The following IL1RAPL2 variants were observed in gnomAD, a reference collection of about 807,000 sequenced individuals.
IL1RAPL2 encodes the protein X-linked interleukin-1 receptor accessory protein-like 2.
IL1RAPL2 carries 3 observed loss-of-function variants against 44.1 expected under a neutral mutation model. The observed-to-expected ratio is 0.07, with a 90% CI of 0.03 to 0.18. The LOEUF (loss-of-function observed/expected upper bound fraction) is 0.18. Among genes scored for constraint, IL1RAPL2 ranks in the 10% least tolerant of loss-of-function variants. IL1RAPL2 has a pLI of 1.00. For missense variants in IL1RAPL2, 391 were observed against 496.4 expected (o/e 0.79, Z 2.02); for synonymous variants, 181 against 178.8 (o/e 1.01, Z -0.10).
At chrX:105,076,952 G>T (rs1265934886) in intron 2 of IL1RAPL2, among the ~76,000 whole-genome samples, 1 of 110,959 alleles carries the variant, frequency 9.0e-6, no homozygotes, top group African/African-American at 3.3e-5. Flanking sequence ...CGTGTGAGAT[G>T]GGGTTCCTGA....
intron 6 of IL1RAPL2, among the ~76,000 whole-genome samples, chrX:105,611,440 C>T (rs1021208268): frequency 5.4e-5 from 6 of 111,575 alleles, no homozygotes; most frequent in Admixed American, 1.9e-4. Context: ...TATTTAAGCT[C>T]TATTCATGGT....
intron 2 of IL1RAPL2, among the ~76,000 whole-genome samples, chrX:104,826,961 T>G (rs939043468): frequency 1.0e-5 from 1 of 95,312 alleles, no homozygotes; most frequent in Non-Finnish European, 2.1e-5. Flanking sequence ...TTTTTTTTTT[T>G]GCTTTCCATT....
intron 6 of IL1RAPL2, among the ~76,000 whole-genome samples, chrX:105,564,889 T>G (rs2036963951): frequency 8.9e-6 from 1 of 112,057 alleles, no homozygotes. Flanking sequence ...AAGGCTTTGA[T>G]TTTTTCTGAA....
At position 105,463,591 on chromosome X, in the gene IL1RAPL2, C is replaced by T. The variant is rs750199593; in HGVS notation, c.698-20722C>T. On this transcript the variant is annotated intron_variant, in intron 5 of 10. Coordinates refer to ENST00000372582, the MANE Select transcript of IL1RAPL2 (RefSeq NM_017416.2). ...TCTCCCACACACACACACACACACA[C>T]ACACACACACATGCACGCATACACT... 1.0e-4 allele frequency among the ~76,000 whole-genome samples: 11 copies of T among 110,541 alleles called. No individual in the cohort carries two copies. In the South Asian group the frequency reaches 4.2e-3, roughly 42 times the overall value.
intron 10 of IL1RAPL2, among the ~76,000 whole-genome samples, chrX:105,762,390 C>T: frequency 9.0e-6 from 1 of 111,592 alleles, no homozygotes; most frequent in East Asian, 2.8e-4. Context: ...CAAGGAGAGT[C>T]TAGTGGCAAG....
rs782388975 is a variant in IL1RAPL2 at position 105,201,939 on chromosome X, ATTAG to A, written c.356+6195_356+6198del. ...AATTTCATTCCCGAAATGAAATGTA[ATTAG>A]TTATTTTTCTATCTGTTTTTGGTTA... is the stretch of plus-strand genomic sequence containing the variant. On this transcript the variant is annotated intron_variant, in intron 3 of 10. Coordinates refer to ENST00000372582, the MANE Select transcript of IL1RAPL2 (RefSeq NM_017416.2). 2.2e-4 allele frequency among the ~76,000 whole-genome samples: 25 copies of A among 111,888 alleles called. No individual in the cohort carries two copies. In the South Asian group the frequency reaches 8.2e-3, roughly 37 times the overall value.
chrX:105,105,336 C>T (rs764046083), intron 2 of IL1RAPL2, among the ~76,000 whole-genome samples: 3 of 111,609 alleles, frequency 2.7e-5, no homozygotes, highest in South Asian at 7.5e-4. Flanking sequence ...ATTATTATCC[C>T]CTTTATATAC....
intron 1 of IL1RAPL2, among the ~76,000 whole-genome samples, chrX:104,615,814 C>T (rs1440527088): frequency 8.9e-6 from 1 of 112,274 alleles, no homozygotes; most frequent in Non-Finnish European, 1.9e-5. Context: ...CCATCTTCCA[C>T]AATGGTTGAA....
At chrX:104,610,529 T>C (rs1252926659) in intron 1 of IL1RAPL2, among the ~76,000 whole-genome samples, 2 of 112,008 alleles carry the variant, frequency 1.8e-5, no homozygotes, top group Non-Finnish European at 3.8e-5. Flanking sequence ...CTATTCACAA[T>C]TGCTTCAAAG....
intron 6 of IL1RAPL2, among the ~76,000 whole-genome samples, chrX:105,591,499 G>A (rs1162184152): frequency 9.0e-6 from 1 of 110,541 alleles, no homozygotes; most frequent in Admixed American, 9.7e-5. Context: ...TTTCCTGCTG[G>A]TGTGATACTG....
chrX:105,207,191 AAACAAAT>A (rs1556153109), intron 3 of IL1RAPL2, among the ~76,000 whole-genome samples: 14 of 111,180 alleles, frequency 1.3e-4, no homozygotes, highest in Non-Finnish European at 2.6e-4. Context: ...ATTATTCATT[AAACAAAT>A]ATTTATTGAG....
chrX:105,699,253 C>T lies in IL1RAPL2; in HGVS notation c.773-18114C>T, dbSNP rs1478393096. ...AGACACACAAAACCTGGATTAATCC[C>T]GGTGCATGCATTCTGTCACCCAACT... On this transcript the variant is annotated intron_variant, in intron 6 of 10. Transcript: ENST00000372582. Among the ~76,000 whole-genome samples the T allele has an allele frequency of 3.6e-5, 4 of 111,060 alleles. 1 individual carries two copies. Among genetic ancestry groups the T allele is most frequent in the Admixed American group, 1.9e-4 (2 of 10,407 alleles).
At chrX:104,715,848 T>A (rs1261296957) in intron 2 of IL1RAPL2, among the ~76,000 whole-genome samples, 1 of 110,852 alleles carries the variant, frequency 9.0e-6, no homozygotes, top group Non-Finnish European at 1.9e-5. Context: ...ATTGTTAAAA[T>A]GGCCATACTA....
At chrX:105,145,916 C>T (rs1321583675) in intron 2 of IL1RAPL2, among the ~76,000 whole-genome samples, 1 of 111,175 alleles carries the variant, frequency 9.0e-6, no homozygotes, top group East Asian at 2.9e-4. Flanking sequence ...AAGGTGGGGA[C>T]TTTGGGAAGT....
At chrX:105,132,367 T>G (rs1400156405) in intron 2 of IL1RAPL2, among the ~76,000 whole-genome samples, 5 of 110,825 alleles carry the variant, frequency 4.5e-5, no homozygotes, top group African/African-American at 1.6e-4. Context: ...GTTAAGCTGC[T>G]TCCTCTCAAA....
chrX:105,651,140 CATG>C (rs1326249701), intron 6 of IL1RAPL2, among the ~76,000 whole-genome samples: 1 of 111,354 alleles, frequency 9.0e-6, no homozygotes, highest in Non-Finnish European at 1.9e-5. Context: ...CCCACACAGA[CATG>C]ATAAACAGCA....
intron 5 of IL1RAPL2, among the ~76,000 whole-genome samples, chrX:105,303,636 C>T (rs2034712855): frequency 8.9e-6 from 1 of 112,301 alleles, no homozygotes; most frequent in African/African-American, 3.2e-5. Flanking sequence ...GCTAGTGATT[C>T]CTTCCAGCTT....
At chrX:105,123,052 A>G (rs896855878) in intron 2 of IL1RAPL2, among the ~76,000 whole-genome samples, 6 of 111,748 alleles carry the variant, frequency 5.4e-5, no homozygotes, top group African/African-American at 1.9e-4. Flanking sequence ...TCAATGAAAT[A>G]ATGTTTGAAA....
rs201609261 is a variant in IL1RAPL2 at position 105,408,237 on chromosome X, A to AT, written c.698-76070dup. On this transcript the variant is annotated intron_variant, in intron 5 of 10. Transcript: ENST00000372582. ...CAGCACCTGTGATTCTTTTACTTAT[A>AT]TTTTTTGTGTTTTTTTAAACAAATT... Among the ~76,000 whole-genome samples the AT allele has an allele frequency of 5.2e-3, 587 of 112,053 alleles. 5 individuals carry two copies. The highest frequency in any genetic ancestry group is 0.018 in the African/African-American group (548 of 30,832).
Sources: gnomAD v4.1 joint callset for allele counts (sites outside exome capture counted in the v4.1 genomes callset) on GRCh38, gnomAD v4.1.1 for gene constraint, MANE v1.5 for transcripts, NCBI Gene and HGNC (gene_info 2026-07-23, HGNC 2026-07-21) for gene names.